Variants in SERGEF observed in about 807,000 individuals in gnomAD.
SERGEF encodes the protein secretion-regulating guanine nucleotide exchange factor.
SERGEF carries 51 observed loss-of-function variants against 50.0 expected under a neutral mutation model. The observed-to-expected ratio is 1.02, with a 90% CI of 0.81 to 1.29. The LOEUF is 1.29. SERGEF is among the 50% of genes most tolerant of loss of function. The probability of loss-of-function intolerance (pLI) is 0.00; values close to 1 mark genes in which losing one functional copy is unlikely to be tolerated. For synonymous variants in SERGEF, 205 were observed against 212.4 expected (o/e 0.97, Z 0.30); for missense variants, 521 against 557.0 (o/e 0.94, Z 0.65).
At chr11:17,909,816 TG>T (rs11301850) in intron 9 of SERGEF, among the ~76,000 whole-genome samples, 95,970 of 150,222 alleles carry the variant, frequency 0.64, 30,568 homozygotes, top group Non-Finnish European at 0.67. Context: ...AAGGAGCTCC[TG>T]GGGGGAAAGT....
chr11:17,833,372 A>G (rs1368116620), intron 10 of SERGEF, among the ~76,000 whole-genome samples: 1 of 152,210 alleles, frequency 6.6e-6, no homozygotes, highest in Non-Finnish European at 1.5e-5. Flanking sequence ...TCAGAAGTGT[A>G]TAGAAAAGCC....
chr11:18,001,957 G>A (rs765312999), intron 4 of SERGEF: 16 of 456,116 alleles, frequency 3.5e-5, no homozygotes, highest in South Asian at 2.5e-4. Flanking sequence ...TTTATGCCCA[G>A]GGCCTAAGCA....
intron 10 of SERGEF, among the ~76,000 whole-genome samples, chr11:17,866,268 C>T (rs949314021): frequency 1.3e-5 from 2 of 152,186 alleles, no homozygotes; most frequent in Admixed American, 6.5e-5. Flanking sequence ...CTGGTAGCAA[C>T]AGGACCCAGG....
Position 18,007,965 on chromosome 11 carries a change from C to T in SERGEF, c.172G>A (p.Gly58Arg), listed in dbSNP as rs1260433295. Residue 58 changes from glycine to arginine, a missense_variant, in exon 2 of 11, where the codon GGG becomes AGG. By Grantham distance (125) the Gly-to-Arg change is moderately radical. Transcript: ENST00000265965. The part of the protein sequence containing the change: ...PRSVRRITGG[G>R]GHSAVVTDGG... ...CCTGTGACAACTGCAGAGTGGCCCC[C>T]TCCTCCTGTGATCCTCCTGACACTC... 1 of 1,613,934 alleles carries T rather than the reference C, an allele frequency of 6.2e-7. No individual in the cohort carries two copies. Among genetic ancestry groups the T allele is most frequent in the Non-Finnish European group, 8.5e-7 (1 of 1,179,868 alleles).
chr11:17,802,302 C>T (rs182965356), intron 10 of SERGEF, among the ~76,000 whole-genome samples: 90 of 152,284 alleles, frequency 5.9e-4, no homozygotes, highest in Non-Finnish European at 9.6e-4. Flanking sequence ...AGAATAAATA[C>T]ACAAATGAAG....
At chr11:17,881,345 TAATG>T (rs1280258642) in intron 9 of SERGEF, among the ~76,000 whole-genome samples, 11 of 152,172 alleles carry the variant, frequency 7.2e-5, no homozygotes, top group Admixed American at 7.2e-4. Context: ...GACAGCACAT[TAATG>T]AATGAGACAG....
At chr11:17,882,056 C>T (rs1406875754) in intron 9 of SERGEF, among the ~76,000 whole-genome samples, 4 of 152,188 alleles carry the variant, frequency 2.6e-5, no homozygotes, top group African/African-American at 9.7e-5. Context: ...CAATTTCAGG[C>T]CTTTATGCAT....
At chr11:17,886,250 T>C (rs1250633810) in intron 9 of SERGEF, among the ~76,000 whole-genome samples, 2 of 152,172 alleles carry the variant, frequency 1.3e-5, no homozygotes, top group Non-Finnish European at 2.9e-5. Context: ...TTTTAGGACT[T>C]ATATATTATT....
intron 10 of SERGEF, among the ~76,000 whole-genome samples, chr11:17,793,352 A>G (rs1849517108): frequency 6.6e-6 from 1 of 152,224 alleles, no homozygotes; most frequent in African/African-American, 2.4e-5. Flanking sequence ...AAAGCAAAGG[A>G]TTGGTTATCC....
chr11:17,896,747 C>CGGAAG (rs1851642338), intron 9 of SERGEF, among the ~76,000 whole-genome samples: 1 of 61,348 alleles, frequency 1.6e-5, no homozygotes. Context: ...GGAAGGGTAA[C>CGGAAG]GGAAGGGTAA....
chr11:18,001,325 C>T lies in SERGEF; in HGVS notation c.448-768G>A, dbSNP rs112393633. On this transcript the variant is annotated intron_variant, in intron 4 of 10. Coordinates refer to ENST00000265965, the MANE Select transcript of SERGEF (RefSeq NM_012139.4). ...CCCTTGTGTGGGCTGGACTTAGTGACATGCTTTTAATAAAGAGAATAAAGC... is the reference window on the plus strand; with the variant it reads ...CCCTTGTGTGGGCTGGACTTAGTGATATGCTTTTAATAAAGAGAATAAAGC... Among the ~76,000 whole-genome samples, 863 of 152,288 alleles carry T rather than the reference C, an allele frequency of 5.7e-3. 9 individuals are homozygous for T. The highest frequency in any genetic ancestry group is 0.02 in the African/African-American group (816 of 41,556).
chr11:17,995,677 G>A, intron 6 of SERGEF, 119 bp downstream of exon 6: 1 of 693,648 alleles, frequency 1.4e-6, no homozygotes, highest in Non-Finnish European at 2.5e-6. Context: ...AACTAATAGA[G>A]AAAGTTAGAG....
rs908397637 is a variant in SERGEF, at chr11:17,884,825, G to A, written c.1012-6581C>T. Among the ~76,000 whole-genome samples the A allele has an allele frequency of 1.8e-4, 27 of 152,182 alleles. No individual in the cohort carries two copies. The highest frequency in any genetic ancestry group is 6.3e-4 in the African/African-American group (26 of 41,432). The stretch of plus-strand genomic sequence containing the variant: ...TCTGCTATCTTCCAGAGAAGTTGGG[G>A]TGAGAAGAAGAGAGCTAAAGTTTGG... On this transcript the variant is annotated intron_variant, in intron 9 of 10. Coordinates refer to ENST00000265965, the MANE Select transcript of SERGEF (RefSeq NM_012139.4). This position sits in a 1 kb window ranked among gnomAD's most constrained non-coding sequence, Gnocchi z 4.6.
chr11:17,828,114 C>T (rs1234323001), intron 10 of SERGEF, among the ~76,000 whole-genome samples: 1 of 152,134 alleles, frequency 6.6e-6, no homozygotes, highest in African/African-American at 2.4e-5. Flanking sequence ...TGAGATACCC[C>T]GTATCTACTG....
chr11:17,988,683 A>C lies in SERGEF; in HGVS notation c.758T>G (p.Val253Gly), dbSNP rs760627194. 7 of 1,614,042 alleles carry C rather than the reference A, an allele frequency of 4.3e-6. No individual in the cohort carries two copies. In the East Asian group the frequency reaches 1.6e-4, roughly 36 times the overall value. ...ACAATGTGCTTCTATTTTCTGGGGC[A>C]CAGGAAGGAAAGCAGCCTCATTAGC... ...QLANEAAFLP[V>G]PQKIEAHCFQ... Residue 253 changes from valine (V) to glycine (G), a missense_variant, in exon 8 of 11, where the codon GTG becomes GGG. Val to Gly is a moderately radical substitution (Grantham distance 109, BLOSUM62 -3). Coordinates refer to ENST00000265965, the MANE Select transcript of SERGEF (RefSeq NM_012139.4).
intron 10 of SERGEF, among the ~76,000 whole-genome samples, chr11:17,848,530 C>G (rs1233418357): frequency 6.6e-6 from 1 of 152,200 alleles, no homozygotes; most frequent in African/African-American, 2.4e-5. Context: ...ATGCTTCCTA[C>G]ACTGGAAAGT....
chr11:17,893,770 C>A (rs1437864415), intron 9 of SERGEF, among the ~76,000 whole-genome samples: 1 of 152,094 alleles, frequency 6.6e-6, no homozygotes, highest in African/African-American at 2.4e-5. Context: ...GAAGGCTGAA[C>A]ATAACTTCAC....
intron 9 of SERGEF, among the ~76,000 whole-genome samples, chr11:17,937,407 C>T (rs1471851690): frequency 6.6e-6 from 1 of 151,954 alleles, no homozygotes; most frequent in Admixed American, 6.6e-5. Flanking sequence ...CGTGGTGGTG[C>T]GTGCCTATAG....
intron 10 of SERGEF, among the ~76,000 whole-genome samples, chr11:17,789,311 C>G (rs1450400804): frequency 2.0e-5 from 3 of 152,236 alleles, no homozygotes; most frequent in Admixed American, 6.5e-5. Context: ...GTCCCCTCTT[C>G]ACTAGACTGC....
Sources: gnomAD v4.1 joint callset for allele counts (sites outside exome capture counted in the v4.1 genomes callset) on GRCh38, gnomAD v4.1.1 for gene constraint, Gnocchi (gnomAD v3.1) non-coding constraint, MANE v1.5 for transcripts, NCBI Gene and HGNC (gene_info 2026-07-23, HGNC 2026-07-21) for gene names.